Variants in TYW1 observed in about 807,000 individuals in gnomAD.
The protein encoded by TYW1 is tRNA-yW synthesizing protein 1 homolog, also known as S-adenosyl-L-methionine-dependent tRNA 4-demethylwyosine synthase TYW1.
Under a neutral mutation model 96.2 loss-of-function variants are expected in TYW1, and 46 were observed. The ratio of observed to expected loss-of-function variants is 0.48; its 90% CI spans 0.38 to 0.61. The LOEUF (loss-of-function observed/expected upper bound fraction) is 0.61, where lower values mean the gene tolerates loss of function less well. Ranked by LOEUF, TYW1 falls within the 20% of genes least tolerant of loss-of-function variation. The probability of loss-of-function intolerance (pLI) is 0.00; values close to 1 mark genes in which losing one functional copy is unlikely to be tolerated. For missense variants in TYW1, 684 were observed against 909.6 expected, an observed-to-expected ratio of 0.75 and a Z score of 3.19; for synonymous variants, 274 against 323.0, an observed-to-expected ratio of 0.85 and a Z score of 1.63.
At chr7:67,032,514 G>A (rs1278267619) in intron 7 of TYW1, among the ~76,000 whole-genome samples, 15 of 152,134 alleles carry the variant, frequency 9.9e-5, no homozygotes, top group African/African-American at 2.9e-4. Flanking sequence ...TCAGCTACTC[G>A]GGAGGCTGAG....
At chr7:67,080,132 C>A (rs1239460172) in intron 10 of TYW1, among the ~76,000 whole-genome samples, 2 of 152,174 alleles carry the variant, frequency 1.3e-5, no homozygotes, top group African/African-American at 4.8e-5. Context: ...TACTGATTTT[C>A]TGTCTAGGTG....
At chr7:67,164,773 C>T (rs557765870) in intron 13 of TYW1, among the ~76,000 whole-genome samples, 13 of 152,064 alleles carry the variant, frequency 8.5e-5, no homozygotes, top group Non-Finnish European at 1.6e-4. Flanking sequence ...TGTTGGGGTT[C>T]GTGACCATTG....
intron 5 of TYW1, among the ~76,000 whole-genome samples, chr7:67,016,263 T>C (rs12538724): frequency 0.042 from 6,043 of 144,842 alleles, 223 homozygotes; most frequent in Middle Eastern, 0.11. Context: ...AAAAGCTGTT[T>C]ACGGCCGGGC....
At chr7:67,132,357 G>A (rs10242919) in intron 13 of TYW1, among the ~76,000 whole-genome samples, 41,377 of 150,954 alleles carry the variant, frequency 0.27, 6,514 homozygotes, top group African/African-American at 0.43. Flanking sequence ...TGATCCTCTC[G>A]CTTTGGCCTC....
chr7:67,052,899 G>A (rs892020513), intron 8 of TYW1, among the ~76,000 whole-genome samples: 6 of 151,736 alleles, frequency 4.0e-5, no homozygotes, highest in African/African-American at 1.5e-4. Flanking sequence ...CCACTACCAC[G>A]CCTGGCTAAT....
intron 10 of TYW1, among the ~76,000 whole-genome samples, chr7:67,067,719 A>G (rs1057447131): frequency 6.6e-6 from 1 of 152,128 alleles, no homozygotes; most frequent in East Asian, 1.9e-4. Context: ...TTTTTATTCT[A>G]TCCTTTTGTG....
intron 7 of TYW1, among the ~76,000 whole-genome samples, chr7:67,041,835 C>G (rs1795032656): frequency 6.6e-6 from 1 of 151,868 alleles, no homozygotes; most frequent in African/African-American, 2.4e-5. Flanking sequence ...ATTATTTTAC[C>G]CCTCTGTGCT....
At chr7:67,235,583 T>G (rs1447857988) in intron 15 of TYW1, among the ~76,000 whole-genome samples, 1 of 152,114 alleles carries the variant, frequency 6.6e-6, no homozygotes, top group Non-Finnish European at 1.5e-5. Flanking sequence ...TTGTATGGTC[T>G]TCTAGATTTG....
At chr7:67,159,584 C>T (rs1450232443) in intron 13 of TYW1, among the ~76,000 whole-genome samples, 1 of 151,776 alleles carries the variant, frequency 6.6e-6, no homozygotes, top group Non-Finnish European at 1.5e-5. Context: ...GTATAACTAG[C>T]AGTCCAAAGG....
At chr7:67,015,744 C>T (rs1171795262) in intron 5 of TYW1, among the ~76,000 whole-genome samples, 5 of 152,058 alleles carry the variant, frequency 3.3e-5, no homozygotes, top group African/African-American at 4.8e-5. Context: ...AGGCGGATCA[C>T]GAGGTCAGGA....
chr7:67,180,405 T>TA (rs1491579324), intron 13 of TYW1, among the ~76,000 whole-genome samples: 253 of 66,850 alleles, frequency 3.8e-3, no homozygotes, highest in African/African-American at 0.013. Context: ...TATATATATA[T>TA]TTATATATAT....
At chr7:67,230,676 G>A (rs183780525) in intron 15 of TYW1, among the ~76,000 whole-genome samples, 2,144 of 100,486 alleles carry the variant, frequency 0.021, 61 homozygotes, top group African/African-American at 0.092. Context: ...TTTTTGAGGC[G>A]GAGTCTTGCT....
chr7:67,159,870 G>A (rs558914224), intron 13 of TYW1, among the ~76,000 whole-genome samples: 2 of 151,516 alleles, frequency 1.3e-5, no homozygotes, highest in South Asian at 2.1e-4. Flanking sequence ...GCACAATCTC[G>A]GCTCACTGCA....
chr7:67,139,981 A>G (rs1047742678), intron 13 of TYW1, among the ~76,000 whole-genome samples: 4 of 152,122 alleles, frequency 2.6e-5, no homozygotes, highest in African/African-American at 9.7e-5. Flanking sequence ...AAAGAGGTTT[A>G]ATGGGACTTA....
At chr7:67,208,236 G>A (rs1476027117) in intron 15 of TYW1, among the ~76,000 whole-genome samples, 2 of 152,026 alleles carry the variant, frequency 1.3e-5, no homozygotes, top group Non-Finnish European at 2.9e-5. Flanking sequence ...CAAGAGGATC[G>A]CTTGAGCCTG....
intron 13 of TYW1, among the ~76,000 whole-genome samples, chr7:67,148,397 G>A (rs1798675522): frequency 6.7e-6 from 1 of 148,634 alleles, no homozygotes; most frequent in Non-Finnish European, 1.5e-5. Context: ...TGGAACTAAG[G>A]TCACTTAACA....
At chr7:67,210,002 G>A (rs987306613) in intron 15 of TYW1, among the ~76,000 whole-genome samples, 6 of 152,150 alleles carry the variant, frequency 3.9e-5, no homozygotes, top group African/African-American at 7.2e-5. Flanking sequence ...GGTGTGGTAC[G>A]TGTGTTACAA....
intron 15 of TYW1, among the ~76,000 whole-genome samples, chr7:67,221,935 C>CTT (rs1801404936): frequency 2.6e-5 from 4 of 151,214 alleles, no homozygotes; most frequent in Non-Finnish European, 5.9e-5. Context: ...TGGTGGCTGA[C>CTT]GCCTGTAATC....
intron 15 of TYW1, among the ~76,000 whole-genome samples, chr7:67,213,855 T>A (rs1240307788): frequency 6.6e-6 from 1 of 152,216 alleles, no homozygotes; most frequent in East Asian, 1.9e-4. Flanking sequence ...GGCCTTTCTA[T>A]TCCACTGCAT....
Sources: gnomAD v4.1 joint callset for allele counts (sites outside exome capture counted in the v4.1 genomes callset) on GRCh38, gnomAD v4.1.1 for gene constraint, MANE v1.5 for transcripts, NCBI Gene and HGNC (gene_info 2026-07-23, HGNC 2026-07-21) for gene names.